The following GOLGA3 variants were observed in gnomAD, a reference collection of about 807,000 sequenced individuals.
GOLGA3 encodes the protein golgin A3.
In GOLGA3, 75 loss-of-function variants were observed where a neutral mutation model predicts 169.4. That is an observed-to-expected ratio of 0.44 (90% CI 0.37 to 0.54). GOLGA3 has a LOEUF of 0.54. Among genes scored for constraint, GOLGA3 ranks in the 20% least tolerant of loss-of-function variants. The pLI is 0.00. For missense variants in GOLGA3, 1,899 were observed against 1,930.0 expected (o/e 0.98, Z 0.30); for synonymous variants, 824 against 822.4 (o/e 1.00, Z -0.03).
chr12:132,804,961 G>T lies in GOLGA3; in HGVS notation c.1352C>A (p.Ala451Glu). 1.2e-6 allele frequency: 2 copies of T among 1,613,080 alleles called. No individual in the cohort carries two copies. The highest frequency in any genetic ancestry group is 1.7e-6 in the Non-Finnish European group (2 of 1,179,948). Residue 451 changes from alanine (A) to glutamate (E), a missense_variant, in exon 7 of 24, where the codon GCG (alanine) becomes GAG (glutamate). By Grantham distance (107) the Ala-to-Glu change is moderately radical. Transcript: ENST00000450791. The surrounding 1 kb of genome is among the most constrained non-coding windows in gnomAD (Gnocchi z 4.1). ...GCTGCTGTGGCTGCACTCCACCTGC[G>T]CCTGCAGCTTCGTGCTGAGGGCGGC... The part of the protein sequence containing the change: ...QLAALSTKLQ[A>E]QVECSHSSQQ...
At chr12:132,801,599 C>T (rs997228811) in intron 8 of GOLGA3, among the ~76,000 whole-genome samples, 168 bp downstream of exon 8, 8 of 152,136 alleles carry the variant, frequency 5.3e-5, no homozygotes, top group African/African-American at 1.7e-4. Flanking sequence ...CCACGGGACA[C>T]GTCCTGCATA....
At chr12:132,809,603 A>C (rs184451057) in intron 4 of GOLGA3, among the ~76,000 whole-genome samples, 1 of 152,206 alleles carries the variant, frequency 6.6e-6, no homozygotes, top group African/African-American at 2.4e-5. Flanking sequence ...GTCTGGGCAT[A>C]ACAGAAGGCT....
Position 132,782,369 on chromosome 12 carries a change from A to G in GOLGA3, c.3392T>C (p.Leu1131Pro). 12 of 1,614,240 alleles carry G rather than the reference A, an allele frequency of 7.4e-6. No individual in the cohort carries two copies. Among genetic ancestry groups the G allele is most frequent in the Non-Finnish European group, 1.0e-5 (12 of 1,180,030 alleles). The change falls in exon 17 of 24, where the codon CTG (leucine) becomes CCG (proline). Residue 1131 changes from leucine (L) to proline (P), a missense_variant. Physicochemically the swap from Leu to Pro is moderately conservative, Grantham distance 98 (BLOSUM62 -3). Coordinates refer to ENST00000450791, the MANE Select transcript of GOLGA3 (RefSeq NM_001389683.1). ...TTCTAGGATGCTGTTGTGTTCCCGC[A>G]GAGCTGCGTTGGACTGACCGAGGCC... is the stretch of plus-strand genomic sequence containing the variant. ...LTGLGQSNAA[L>P]REHNSILETA...
In GOLGA3 at chr12:132,821,630, G is replaced by A. The variant is rs540733083; in HGVS notation, c.133+366C>T. On this transcript the variant is annotated intron_variant, in intron 2 of 23. Coordinates refer to ENST00000450791, the MANE Select transcript of GOLGA3 (RefSeq NM_001389683.1). ...CTTTGAGGCTGAGGCTGAGGCGGGC[G>A]GATCACGAAGTCAGGAGATCGAGAC... Among the ~76,000 whole-genome samples the A allele has an allele frequency of 7.8e-4, 118 of 151,936 alleles. 1 individual carries two copies. The highest frequency in any genetic ancestry group is 3.3e-3 in the South Asian group (16 of 4,804).
intron 18 of GOLGA3, among the ~76,000 whole-genome samples, chr12:132,778,638 TAAAAA>T (rs1566071678): frequency 6.6e-6 from 1 of 151,190 alleles, no homozygotes; most frequent in Non-Finnish European, 1.5e-5. Context: ...ATTTAAAAAA[TAAAAA>T]TAAAATTAAT....
At chr12:132,782,719 A>G (rs991527576) in intron 16 of GOLGA3, among the ~76,000 whole-genome samples, 28 of 151,574 alleles carry the variant, frequency 1.8e-4, no homozygotes, top group African/African-American at 6.8e-4. Flanking sequence ...CCTACTGAAA[A>G]TACAAAAATT....
chr12:132,824,320 A>G (rs1950329663), intron 1 of GOLGA3, among the ~76,000 whole-genome samples: 1 of 152,208 alleles, frequency 6.6e-6, no homozygotes, highest in African/African-American at 2.4e-5. Context: ...GCTCATAACT[A>G]TAATAATCCA....
chr12:132,809,305 C>T (rs1036740170), intron 4 of GOLGA3, among the ~76,000 whole-genome samples: 2 of 152,220 alleles, frequency 1.3e-5, no homozygotes, highest in Admixed American at 1.3e-4. Flanking sequence ...AGCACAGCAT[C>T]ACAGGGAGAT....
Position 132,801,932 on chromosome 12 carries a change from G to A in GOLGA3, c.1635C>T (p.Ser545=), listed in dbSNP as rs1366781947. The A allele has an allele frequency of 6.2e-6, 10 of 1,600,666 alleles. No individual in the cohort carries two copies. In the East Asian group the frequency reaches 1.1e-4, roughly 18 times the overall value. ...DLRQQMTALQ[S]QLQQVQLERT... ...GCTCCAGCTGCACCTGCTGAAGCTGGCTCTGCAAGGCTGTCATCTGCTGTC... is the reference window on the plus strand; with the variant it reads ...GCTCCAGCTGCACCTGCTGAAGCTGACTCTGCAAGGCTGTCATCTGCTGTC... The change falls in exon 8 of 24, where the codon AGC becomes AGT. Residue 545 remains serine, a synonymous_variant. Coordinates refer to ENST00000450791, the MANE Select transcript of GOLGA3 (RefSeq NM_001389683.1).
chr12:132,780,731 C>G, intron 18 of GOLGA3, 67 bp downstream of exon 18: 1 of 963,646 alleles, frequency 1.0e-6, no homozygotes, highest in East Asian at 2.4e-5. Flanking sequence ...TGTGAAGGAC[C>G]CTGCATAGAT....
Position 132,807,283 on chromosome 12 carries a change from G to T in GOLGA3, c.1184C>A (p.Ser395Tyr). ...SRRDSICSSV[S>Y]LESSAAETQE... ...TGTTTCTGCTGCAGAGCTCTCCAAGGACACGCTGGGGACAAAGGCACGGGT... is the reference window on the plus strand; with the variant it reads ...TGTTTCTGCTGCAGAGCTCTCCAAGTACACGCTGGGGACAAAGGCACGGGT... The change falls in exon 6 of 24, where the codon TCC becomes TAC. Residue 395 changes from serine to tyrosine, a missense_variant. By Grantham distance (144) the Ser-to-Tyr change is moderately radical. Transcript: ENST00000450791. 6.4e-7 allele frequency: 1 copy of T among 1,553,242 alleles called. No individual in the cohort carries two copies. The highest frequency in any genetic ancestry group is 1.2e-5 in the South Asian group (1 of 84,744).
At chr12:132,787,144 G>A (rs775669654) in intron 13 of GOLGA3, among the ~76,000 whole-genome samples, 3 of 152,032 alleles carry the variant, frequency 2.0e-5, no homozygotes, top group Non-Finnish European at 4.4e-5. Flanking sequence ...AGTAGAGACA[G>A]GGTTTCACCA....
At chr12:132,786,210 G>A (rs2045889721) in intron 15 of GOLGA3, 129 bp downstream of exon 15, 2 of 636,786 alleles carry the variant, frequency 3.1e-6, no homozygotes, top group East Asian at 2.8e-5. Flanking sequence ...ATGAGCGGGA[G>A]TTTAGAGAGT....
chr12:132,806,315 GA>G (rs1356034875), intron 6 of GOLGA3, among the ~76,000 whole-genome samples: 1 of 152,228 alleles, frequency 6.6e-6, no homozygotes, highest in Non-Finnish European at 1.5e-5. Context: ...CTACACAGAG[GA>G]GGGGAAATGC....
In GOLGA3 at chr12:132,772,456, A is replaced by G. The variant is rs2044939405; in HGVS notation, c.*649T>C. The G allele has an allele frequency of 6.7e-6, 1 of 148,832 alleles. No homozygotes were observed. The highest frequency in any genetic ancestry group is 1.5e-5 in the Non-Finnish European group (1 of 67,484). The allele number at this position is 148,832 out of a possible 1,614,324, so 9.2% of individuals were successfully genotyped here. A position where few individuals can be genotyped will look rare whatever the true frequency, so the allele number is the denominator to read the frequency against. ...CTACTCGAGAGGCTGAGGCAGGAGA[A>G]TCGCATGAACCTGGGAGGCGGAGCT... On this transcript the variant is annotated 3_prime_UTR_variant, in exon 24 of 24. Coordinates refer to ENST00000450791, the MANE Select transcript of GOLGA3 (RefSeq NM_001389683.1).
intron 20 of GOLGA3, 78 bp from the exon 21 acceptor site, chr12:132,776,834 T>C: frequency 6.4e-7 from 1 of 1,572,158 alleles, no homozygotes; most frequent in East Asian, 2.2e-5. Context: ...TAGCTGTGTT[T>C]TGGTTTATCT....
chr12:132,795,809 A>C (rs4758905), intron 11 of GOLGA3, 43 bp downstream of exon 11: 1,071,454 of 1,562,426 alleles, frequency 0.69, 370,648 homozygotes, highest in East Asian at 0.82. Context: ...CATTCCTGCA[A>C]GGAGGGTTCT....
Position 132,775,209 on chromosome 12 carries a change from T to C in GOLGA3, c.4075A>G (p.Asn1359Asp). Reference sequence around the variant, plus strand: ...TTCTGCTGGAGCAGGGTCTTCATGTTGTTCTTCAGCTCCGACACTTTTGCC... The same window carrying C: ...TTCTGCTGGAGCAGGGTCTTCATGTCGTTCTTCAGCTCCGACACTTTTGCC... Reference protein sequence around the residue: ...LQAKVSELKNNMKTLLQQNQQ... With the variant: ...LQAKVSELKNDMKTLLQQNQQ... The change falls in exon 22 of 24, where the codon AAC becomes GAC. Residue 1359 changes from asparagine (N) to aspartate (D), a missense_variant. By Grantham distance (23) the Asn-to-Asp change is conservative (BLOSUM62 1). Transcript: ENST00000450791. 3 of 1,614,222 alleles carry C rather than the reference T, an allele frequency of 1.9e-6. No individual in the cohort carries two copies. Among genetic ancestry groups the C allele is most frequent in the Non-Finnish European group, 1.7e-6 (2 of 1,179,998 alleles).
rs144559635 is a variant in GOLGA3 at position 132,816,699 on chromosome 12, C to T, written c.247G>A (p.Asp83Asn). 7.4e-6 allele frequency: 12 copies of T among 1,613,994 alleles called. No homozygotes were observed. Among genetic ancestry groups the T allele is most frequent in the African/African-American group, 1.3e-5 (1 of 74,894 alleles). Residue 83 changes from aspartate (D) to asparagine (N), a missense_variant, in exon 3 of 24, where the codon GAT becomes AAT. Physicochemically the swap from Asp to Asn is conservative, Grantham distance 23. Transcript: ENST00000450791. ...GGGCCCACTGGGCTTGTGGTGGGATCGAGAGACGACGGAGGGTCTGGGAAG... is the reference window on the plus strand; with the variant it reads ...GGGCCCACTGGGCTTGTGGTGGGATTGAGAGACGACGGAGGGTCTGGGAAG... ...PPFPDPPSSL[D>N]PTTSPVGPDA...
Sources: allele counts gnomAD v4.1 joint callset (sites outside exome capture counted in the v4.1 genomes callset), GRCh38; gene constraint gnomAD v4.1.1; non-coding constraint Gnocchi (gnomAD v3.1); transcripts MANE v1.5; gene names NCBI Gene and HGNC (gene_info 2026-07-23, HGNC 2026-07-21).